Variants in MNAT1 observed in about 807,000 individuals in gnomAD.
The protein encoded by MNAT1 is MNAT1 component of CDK activating kinase.
MNAT1 carries 43 observed loss-of-function variants against 42.0 expected under a neutral mutation model. The ratio of observed to expected loss-of-function variants is 1.02; its 90% CI spans 0.80 to 1.32. The LOEUF is 1.32. Ranked by LOEUF, MNAT1 falls within the 40% of genes most tolerant of loss-of-function variation. The pLI is 0.00. For synonymous variants in MNAT1, 118 were observed against 120.0 expected (o/e 0.98, Z 0.11); for missense variants, 306 against 350.4 (o/e 0.87, Z 1.01).
At chr14:60,889,761 A>G (rs927962550) in intron 7 of MNAT1, among the ~76,000 whole-genome samples, 1 of 152,172 alleles carries the variant, frequency 6.6e-6, no homozygotes, top group Non-Finnish European at 1.5e-5. Flanking sequence ...GCAAGAAAAA[A>G]CAAACAACCC....
chr14:60,791,776 A>T (rs977660396), intron 1 of MNAT1, among the ~76,000 whole-genome samples: 14 of 152,278 alleles, frequency 9.2e-5, no homozygotes, highest in Admixed American at 5.2e-4. Context: ...TAAGTTTTTT[A>T]AAATTACAAA....
chr14:60,938,698 T>G (rs1422755257), intron 7 of MNAT1, among the ~76,000 whole-genome samples: 2 of 152,288 alleles, frequency 1.3e-5, no homozygotes, highest in East Asian at 3.9e-4. Context: ...ATTCTCTTTT[T>G]TTGTTGTGTC....
At chr14:60,784,439 A>G (rs1008367412) in intron 1 of MNAT1, among the ~76,000 whole-genome samples, 3 of 151,562 alleles carry the variant, frequency 2.0e-5, no homozygotes, top group Non-Finnish European at 2.9e-5. Context: ...GCGGCCTTCC[A>G]AAGTGTTGGG....
intron 1 of MNAT1, among the ~76,000 whole-genome samples, chr14:60,763,231 T>G (rs1418750551): frequency 6.6e-6 from 1 of 152,178 alleles, no homozygotes; most frequent in East Asian, 1.9e-4. Flanking sequence ...TTATCATTTA[T>G]CTTTAATTAA....
At chr14:60,836,547 G>A (rs540489964) in intron 6 of MNAT1, among the ~76,000 whole-genome samples, 1 of 152,340 alleles carries the variant, frequency 6.6e-6, no homozygotes, top group Admixed American at 6.5e-5. Flanking sequence ...GGCCCTGTTT[G>A]CCTGGGTATC....
At chr14:60,763,581 C>T (rs2030696655) in intron 1 of MNAT1, among the ~76,000 whole-genome samples, 1 of 152,132 alleles carries the variant, frequency 6.6e-6, no homozygotes, top group Admixed American at 6.5e-5. Context: ...TCAATTTTCA[C>T]TCGGTTAAAT....
At chr14:60,742,641 G>A (rs1208467764) in intron 1 of MNAT1, among the ~76,000 whole-genome samples, 2 of 151,992 alleles carry the variant, frequency 1.3e-5, no homozygotes, top group Non-Finnish European at 2.9e-5. Flanking sequence ...CCACTTAGCC[G>A]TCACACTCCT....
chr14:60,777,089 A>G (rs1178414274), intron 1 of MNAT1, among the ~76,000 whole-genome samples: 1 of 152,124 alleles, frequency 6.6e-6, no homozygotes, highest in African/African-American at 2.4e-5. Context: ...GGCTCAAGCA[A>G]TCCACCTGCC....
chr14:60,741,674 T>TTTTTTA (rs1896469095), intron 1 of MNAT1, among the ~76,000 whole-genome samples: 1 of 146,602 alleles, frequency 6.8e-6, no homozygotes, highest in South Asian at 2.2e-4. Context: ...TTTTTTTTTT[T>TTTTTTA]TTTTTTAATT....
At chr14:60,798,332 A>G (rs1566770133) in intron 3 of MNAT1, among the ~76,000 whole-genome samples, 172 bp downstream of exon 3, 1 of 152,202 alleles carries the variant, frequency 6.6e-6, no homozygotes, top group Non-Finnish European at 1.5e-5. Context: ...TTGAAGGCAT[A>G]CTTAAGTAAA....
At chr14:60,913,972 C>A (rs866519655) in intron 7 of MNAT1, among the ~76,000 whole-genome samples, 1 of 152,240 alleles carries the variant, frequency 6.6e-6, no homozygotes, top group Non-Finnish European at 1.5e-5. Context: ...GTGGGCTCCA[C>A]GCAGTTCGAG....
intron 7 of MNAT1, among the ~76,000 whole-genome samples, chr14:60,916,306 A>G (rs1179286337): frequency 6.6e-6 from 1 of 152,238 alleles, no homozygotes; most frequent in Non-Finnish European, 1.5e-5. Context: ...TAGGTTATAT[A>G]CATTTTTAAA....
chr14:60,943,045 TG>T (rs1566571982), intron 7 of MNAT1, among the ~76,000 whole-genome samples: 2 of 93,480 alleles, frequency 2.1e-5, no homozygotes, highest in African/African-American at 8.3e-5. Flanking sequence ...TGTGTGTGTG[TG>T]TGTGCGCTTT....
At chr14:60,778,171 A>G (rs1425698394) in intron 1 of MNAT1, among the ~76,000 whole-genome samples, 1 of 152,148 alleles carries the variant, frequency 6.6e-6, no homozygotes, top group African/African-American at 2.4e-5. Flanking sequence ...TATTGGTCAG[A>G]GTGAAATGAC....
At chr14:60,848,644 G>A (rs1200864087) in intron 6 of MNAT1, among the ~76,000 whole-genome samples, 1 of 151,892 alleles carries the variant, frequency 6.6e-6, no homozygotes, top group Non-Finnish European at 1.5e-5. Context: ...ATGTACTGTT[G>A]CTTTCAGATT....
At chr14:60,875,569 G>GT (rs1265920034) in intron 6 of MNAT1, among the ~76,000 whole-genome samples, 2 of 151,960 alleles carry the variant, frequency 1.3e-5, no homozygotes. Flanking sequence ...AAATAGTAAC[G>GT]TTTCATGAAA....
At chr14:60,766,252 A>G (rs1211723327) in intron 1 of MNAT1, among the ~76,000 whole-genome samples, 2 of 151,538 alleles carry the variant, frequency 1.3e-5, no homozygotes, top group African/African-American at 4.9e-5. Context: ...GGAGGCGTAG[A>G]CAGAGAATTG....
intron 1 of MNAT1, among the ~76,000 whole-genome samples, chr14:60,793,538 A>T (rs918461858): frequency 6.6e-6 from 1 of 151,696 alleles, no homozygotes; most frequent in Non-Finnish European, 1.5e-5. Flanking sequence ...AATTTTTTTT[A>T]AATTTTTATA....
At chr14:60,875,688 G>T (rs1200536205) in intron 6 of MNAT1, among the ~76,000 whole-genome samples, 1 of 152,088 alleles carries the variant, frequency 6.6e-6, no homozygotes, top group Non-Finnish European at 1.5e-5. Flanking sequence ...TATTGTAAAT[G>T]ATGTCCCCAC....
Sources: allele counts gnomAD v4.1 joint callset (sites outside exome capture counted in the v4.1 genomes callset), GRCh38; gene constraint gnomAD v4.1.1; transcripts MANE v1.5; gene names NCBI Gene and HGNC (gene_info 2026-07-23, HGNC 2026-07-21).